Variants in PTPRR observed in about 807,000 individuals in gnomAD.
The protein encoded by PTPRR is protein tyrosine phosphatase receptor type R, also known as receptor-type tyrosine-protein phosphatase R.
PTPRR carries 38 observed loss-of-function variants against 77.2 expected under a neutral mutation model. That is an observed-to-expected ratio of 0.49 (90% CI 0.38 to 0.65). The LOEUF is 0.65. PTPRR is among the 30% of genes least tolerant of loss of function. The pLI is 0.00. For synonymous variants in PTPRR, 299 were observed against 283.1 expected (o/e 1.06, Z -0.57); for missense variants, 744 against 799.2 (o/e 0.93, Z 0.83).
chr12:70,715,580 G>A (rs1253985727), intron 6 of PTPRR, among the ~76,000 whole-genome samples: 5 of 152,156 alleles, frequency 3.3e-5, no homozygotes, highest in Non-Finnish European at 7.3e-5. Flanking sequence ...CCACGCCCAG[G>A]GGGGCCAGTT....
intron 6 of PTPRR, among the ~76,000 whole-genome samples, chr12:70,730,223 T>G (rs1009644458): frequency 2.6e-5 from 4 of 152,050 alleles, no homozygotes; most frequent in Non-Finnish European, 5.9e-5. Context: ...CATATTTAAA[T>G]TAGAAGGCCT....
intron 3 of PTPRR, 60 bp from the exon 4 acceptor site, chr12:70,761,686 T>C: frequency 2.3e-6 from 3 of 1,310,452 alleles, no homozygotes; most frequent in Non-Finnish European, 3.1e-6. Context: ...TGGATAATAT[T>C]TTTACCTGTC....
At chr12:70,852,197 G>A (rs1242997281) in intron 2 of PTPRR, among the ~76,000 whole-genome samples, 2 of 152,084 alleles carry the variant, frequency 1.3e-5, no homozygotes, top group African/African-American at 4.8e-5. Flanking sequence ...AAGTCACTTG[G>A]CAAATACGAG....
At chr12:70,715,615 TTC>T (rs1250152768) in intron 6 of PTPRR, among the ~76,000 whole-genome samples, 18 of 152,332 alleles carry the variant, frequency 1.2e-4, no homozygotes, top group South Asian at 4.1e-4. Context: ...CAGGCGCGTA[TTC>T]TCTTTCCCAG....
intron 2 of PTPRR, among the ~76,000 whole-genome samples, chr12:70,885,662 G>A (rs1450774855): frequency 2.0e-5 from 3 of 151,484 alleles, no homozygotes; most frequent in Non-Finnish European, 4.4e-5. Flanking sequence ...AGCCTCCCGA[G>A]TAGCTGGGAC....
intron 2 of PTPRR, among the ~76,000 whole-genome samples, chr12:70,836,938 A>T (rs1892314424): frequency 6.6e-6 from 1 of 152,094 alleles, no homozygotes; most frequent in Non-Finnish European, 1.5e-5. Context: ...CTTGCTGATT[A>T]TACATGTAAT....
chr12:70,745,981 C>G lies in PTPRR; in HGVS notation c.844G>C (p.Glu282Gln), dbSNP rs189128212. 2 of 1,614,056 alleles carry G rather than the reference C, an allele frequency of 1.2e-6. No individual in the cohort carries two copies. Among genetic ancestry groups the G allele is most frequent in the South Asian group, 1.1e-5 (1 of 91,070 alleles). ...ACCATGCTGTGGACTGTCTTTGCCT[C>G]GGACAGTGCTGGCTGTAATGTGATG... ...SPITLQPALS[E>Q]AKTVHSMVQP... Residue 282 changes from glutamate (E) to glutamine (Q), a missense_variant, in exon 6 of 14, where the codon GAG becomes CAG. This residue lies in a region of PTPRR where 570 missense variants were observed against 573.2 expected (regional missense o/e 0.99). Coordinates refer to ENST00000283228, the MANE Select transcript of PTPRR (RefSeq NM_002849.4).
intron 2 of PTPRR, among the ~76,000 whole-genome samples, chr12:70,875,201 G>C (rs1893030556): frequency 6.6e-6 from 1 of 152,096 alleles, no homozygotes; most frequent in South Asian, 2.1e-4. Flanking sequence ...GGATATTACT[G>C]AGACAGAAAG....
intron 1 of PTPRR, among the ~76,000 whole-genome samples, chr12:70,896,737 G>A (rs550205994): frequency 7.2e-5 from 11 of 151,812 alleles, no homozygotes; most frequent in Non-Finnish European, 1.2e-4. Flanking sequence ...GGGTTTTTAC[G>A]GTTTTAGGTC....
intron 13 of PTPRR, among the ~76,000 whole-genome samples, chr12:70,648,882 AAAAAG>A (rs1215674342): frequency 6.6e-6 from 1 of 152,186 alleles, no homozygotes; most frequent in Admixed American, 6.5e-5. Context: ...TTGGAAAAAA[AAAAAG>A]AAATCTTATT....
intron 1 of PTPRR, among the ~76,000 whole-genome samples, chr12:70,920,024 G>A (rs1893832501): frequency 6.6e-6 from 1 of 152,014 alleles, no homozygotes; most frequent in African/African-American, 2.4e-5. Flanking sequence ...TAAGTGCATA[G>A]CCTAGAAACA....
chr12:70,865,026 G>A (rs1041037224), intron 2 of PTPRR, among the ~76,000 whole-genome samples: 2 of 152,058 alleles, frequency 1.3e-5, no homozygotes, highest in Admixed American at 6.6e-5. Flanking sequence ...TGTTGGTCAG[G>A]CTGGTCTCGA....
intron 2 of PTPRR, among the ~76,000 whole-genome samples, chr12:70,813,020 G>A (rs191141610): frequency 8.3e-4 from 126 of 152,202 alleles, no homozygotes; most frequent in Admixed American, 1.7e-3. Context: ...AGAACTCTCC[G>A]ACATAATTTG....
chr12:70,883,667 T>C lies in PTPRR; in HGVS notation c.357+9012A>G, dbSNP rs576007107. The stretch of plus-strand genomic sequence containing the variant: ...TTTTAAATGTCAGTAGAAACCGTGT[T>C]ACTTTATTAAAATACTGAGTTTTAT... On this transcript the variant is annotated intron_variant, in intron 2 of 13. Transcript: ENST00000283228. 9.8e-5 allele frequency among the ~76,000 whole-genome samples: 15 copies of C among 152,316 alleles called. No homozygotes were observed. The South Asian group carries it at 2.9e-3, about 29-fold the overall frequency.
chr12:70,853,528 C>A (rs1390336780), intron 2 of PTPRR, among the ~76,000 whole-genome samples: 1 of 152,250 alleles, frequency 6.6e-6, no homozygotes, highest in Non-Finnish European at 1.5e-5. Context: ...CATATGTTGT[C>A]TTCCTTTGGA....
At chr12:70,740,397 G>C (rs1466822512) in intron 6 of PTPRR, among the ~76,000 whole-genome samples, 1 of 151,552 alleles carries the variant, frequency 6.6e-6, no homozygotes, top group Non-Finnish European at 1.5e-5. Context: ...TTTTGAGACA[G>C]GGTCTCACTC....
At position 70,647,076 on chromosome 12, in the gene PTPRR, C is replaced by A. The variant is rs536900551; in HGVS notation, c.1881-7799G>T. On this transcript the variant is annotated intron_variant, in intron 13 of 13. Coordinates refer to ENST00000283228, the MANE Select transcript of PTPRR (RefSeq NM_002849.4). ...ACAAGTGAGGCCTTTGGATGTCATT[C>A]CAGTTTAAGCCCTCTAAGGTAAGGA... is the stretch of plus-strand genomic sequence containing the variant. 2.8e-4 allele frequency among the ~76,000 whole-genome samples: 42 copies of A among 152,100 alleles called. 1 individual carries two copies. The highest frequency in any genetic ancestry group is 6.8e-3 in the Middle Eastern group (2 of 294).
intron 8 of PTPRR, among the ~76,000 whole-genome samples, chr12:70,685,610 A>G (rs1377717855): frequency 6.6e-6 from 1 of 152,060 alleles, no homozygotes; most frequent in Non-Finnish European, 1.5e-5. Flanking sequence ...AGATTGTGCC[A>G]CTGCACTCCA....
At chr12:70,874,705 C>T (rs878915754) in intron 2 of PTPRR, among the ~76,000 whole-genome samples, 3 of 151,984 alleles carry the variant, frequency 2.0e-5, no homozygotes, top group African/African-American at 4.8e-5. Flanking sequence ...GGGTGGATCA[C>T]GAGGTCAAGA....
Sources: allele counts gnomAD v4.1 joint callset (sites outside exome capture counted in the v4.1 genomes callset), GRCh38; gene constraint gnomAD v4.1.1; regional missense constraint gnomAD v4.1.1; transcripts MANE v1.5; gene names NCBI Gene and HGNC (gene_info 2026-07-23, HGNC 2026-07-21).